Variants in CPAP observed in about 807,000 individuals in gnomAD.
CPAP encodes centrosomal P4.1-associated protein.
At chr13:24,892,513 T>C in the CPAP span, 20 of 743,280 alleles carry the variant, frequency 2.7e-5, no homozygotes, top group Non-Finnish European at 3.8e-5. Flanking sequence ...ACTGTCCACA[T>C]TCACAGTCAC....
At chr13:24,885,634 C>T in the CPAP span, 24 of 1,612,672 alleles carry the variant, frequency 1.5e-5, no homozygotes, top group Middle Eastern at 3.3e-4. Context: ...GCCTAAATCA[C>T]GAGGAGGTGC....
At chr13:24,911,977 G>T in the CPAP span, 1 of 1,614,154 alleles carries the variant, frequency 6.2e-7, no homozygotes, top group Non-Finnish European at 8.5e-7. Context: ...ACACCATGGT[G>T]AGCAGCTTCT....
chr13:24,924,080 G>A, the CPAP span, among the ~76,000 whole-genome samples: 4 of 152,140 alleles, frequency 2.6e-5, no homozygotes, highest in East Asian at 3.9e-4. Context: ...TGATCCGCCC[G>A]CCTCGGCCTC....
chr13:24,889,236 A>C, the CPAP span: 632 of 971,880 alleles, frequency 6.5e-4, 4 homozygotes, highest in African/African-American at 6.8e-3. Context: ...TTTATTAAGA[A>C]ATGTTTTATT....
At chr13:24,887,521 G>A in the CPAP span, among the ~76,000 whole-genome samples, 1 of 152,150 alleles carries the variant, frequency 6.6e-6, no homozygotes, top group Non-Finnish European at 1.5e-5. Flanking sequence ...CAGGTTGCAC[G>A]CTCCTTAGAG....
chr13:24,884,481 G>C, the CPAP span: 1 of 1,613,228 alleles, frequency 6.2e-7, no homozygotes, highest in African/African-American at 1.3e-5. Context: ...ACCAACACAA[G>C]ATTATCACCT....
the CPAP span, among the ~76,000 whole-genome samples, chr13:24,888,312 G>A: frequency 6.6e-6 from 1 of 151,882 alleles, no homozygotes; most frequent in Non-Finnish European, 1.5e-5. Context: ...AATATTAGCA[G>A]TGCTTGTAAC....
At chr13:24,906,249 C>T in the CPAP span, 4 of 1,604,192 alleles carry the variant, frequency 2.5e-6, no homozygotes, top group Non-Finnish European at 3.4e-6. Context: ...ATTTTCAGTA[C>T]AAATGAGGAA....
the CPAP span, among the ~76,000 whole-genome samples, chr13:24,926,531 A>G: frequency 1.3e-5 from 2 of 151,882 alleles, no homozygotes; most frequent in Non-Finnish European, 2.9e-5. Flanking sequence ...CTTTGGCCCC[A>G]CTCTACACAA....
At chr13:24,884,375 G>T in the CPAP span, 2 of 1,614,150 alleles carry the variant, frequency 1.2e-6, no homozygotes, top group South Asian at 1.1e-5. Context: ...GAAAGTGACA[G>T]TGATGGTCTT....
chr13:24,906,972 G>T, the CPAP span: 13 of 1,610,280 alleles, frequency 8.1e-6, no homozygotes, highest in African/African-American at 2.7e-5. Context: ...TAAAATAAAA[G>T]AATAATATTT....
chr13:24,900,732 CAG>C, the CPAP span, among the ~76,000 whole-genome samples: 7 of 152,192 alleles, frequency 4.6e-5, no homozygotes, highest in Admixed American at 3.9e-4. Context: ...ACGCGGGCAG[CAG>C]AGAGACCTGC....
chr13:24,908,538 A>G, the CPAP span, among the ~76,000 whole-genome samples: 1 of 151,788 alleles, frequency 6.6e-6, no homozygotes, highest in South Asian at 2.1e-4. Context: ...GGTTGCAGTA[A>G]GCCAAGATGG....
chr13:24,883,093 ATAAAT>A, the CPAP span: 31 of 1,240,328 alleles, frequency 2.5e-5, no homozygotes, highest in East Asian at 4.6e-5. Flanking sequence ...CACATACACA[ATAAAT>A]TAAACAGAAT....
At chr13:24,894,874 G>C in the CPAP span, among the ~76,000 whole-genome samples, 4 of 152,150 alleles carry the variant, frequency 2.6e-5, no homozygotes, top group Non-Finnish European at 2.9e-5. Flanking sequence ...TAGGCTGGGG[G>C]ACTGGTGAGG....
chr13:24,920,378 T>C, the CPAP span, among the ~76,000 whole-genome samples: 1 of 152,228 alleles, frequency 6.6e-6, no homozygotes, highest in South Asian at 2.1e-4. Context: ...GGTTGAGTTG[T>C]AGAAGAGTTG....
the CPAP span, chr13:24,910,174 T>C: frequency 7.8e-6 from 9 of 1,147,504 alleles, no homozygotes; most frequent in South Asian, 9.9e-5. Context: ...CCACAAAGAC[T>C]TCTCCACAGT....
At chr13:24,913,757 C>T in the CPAP span, among the ~76,000 whole-genome samples, 3 of 152,226 alleles carry the variant, frequency 2.0e-5, no homozygotes, top group Admixed American at 1.3e-4. Flanking sequence ...CCATGTCTGG[C>T]AGGTAGGAGA....
chr13:24,886,466 A>C, the CPAP span: 3 of 676,288 alleles, frequency 4.4e-6, no homozygotes, highest in Non-Finnish European at 7.0e-6. Context: ...CAGCAATTTC[A>C]TATGATTCAA....
Sources: allele counts gnomAD v4.1 joint callset (sites outside exome capture counted in the v4.1 genomes callset), GRCh38; gene constraint gnomAD v4.1.1; transcripts MANE v1.5; gene names NCBI Gene and HGNC (gene_info 2026-07-23, HGNC 2026-07-21).